Variants in UFSP2 observed in about 807,000 individuals in gnomAD.
UFSP2 encodes ufm1-specific protease 2.
In UFSP2, 43 loss-of-function variants were observed where a neutral mutation model predicts 60.2. The observed-to-expected ratio is 0.71, with a 90% CI of 0.56 to 0.92. The LOEUF (loss-of-function observed/expected upper bound fraction) is 0.92, where lower values mean the gene tolerates loss of function less well. UFSP2 is among the 40% of genes least tolerant of loss of function. The pLI, the probability that UFSP2 is intolerant of heterozygous loss-of-function variation, is 0.00. For missense variants in UFSP2, 520 were observed against 575.0 expected (o/e 0.90, Z 0.98); for synonymous variants, 183 against 195.1 (o/e 0.94, Z 0.52).
At chr4:185,421,805 T>C (rs2095549899) in intron 2 of UFSP2, among the ~76,000 whole-genome samples, 1 of 152,236 alleles carries the variant, frequency 6.6e-6, no homozygotes, top group African/African-American at 2.4e-5. Context: ...TCATGAGTGA[T>C]TTCATTTATA....
At chr4:185,404,612 G>C (rs1036411012) in intron 10 of UFSP2, among the ~76,000 whole-genome samples, 3 of 143,556 alleles carry the variant, frequency 2.1e-5, no homozygotes, top group African/African-American at 7.9e-5. Context: ...TTTTGAGACA[G>C]AGTCTTGCTC....
intron 11 of UFSP2, 194 bp from the exon 12 acceptor site, chr4:185,400,672 A>G: frequency 2.4e-6 from 1 of 421,250 alleles, no homozygotes; most frequent in Admixed American, 4.1e-5. Context: ...TGAACTTTTA[A>G]TTCTATGTAT....
chr4:185,402,123 A>G (rs2095513994), intron 11 of UFSP2: 3 of 277,006 alleles, frequency 1.1e-5, no homozygotes, highest in African/African-American at 4.5e-5. Context: ...TTTTCTCGAG[A>G]GTCCTTTTTG....
In UFSP2 at chr4:185,408,304, C is replaced by T. The variant is rs147970664; in HGVS notation, c.963G>A (p.Glu321=). The stretch of plus-strand genomic sequence containing the variant: ...TTTCTCTGTGTGTTGGAATGGACCT[C>T]TCTGTGTATCCCTGATGTTTGAACC... ...CSWFKHQGYT[E]RSIPTHREIQ... Residue 321 remains glutamate, a synonymous_variant, in exon 8 of 12, where the codon GAG becomes GAA. Transcript: ENST00000264689. The T allele has an allele frequency of 7.3e-3, 11,714 of 1,614,138 alleles. 72 individuals are homozygous for T. Among genetic ancestry groups the T allele is most frequent in the Non-Finnish European group, 9.0e-3 (10,616 of 1,179,984 alleles).
chr4:185,408,195 A>T, intron 8 of UFSP2, 76 bp downstream of exon 8: 1 of 1,559,198 alleles, frequency 6.4e-7, no homozygotes, highest in Non-Finnish European at 8.8e-7. Flanking sequence ...CCATGAGGTA[A>T]CAAAAATTAT....
At chr4:185,413,901 GA>G in intron 6 of UFSP2, 29 bp from the exon 7 acceptor site, 2 of 1,551,284 alleles carry the variant, frequency 1.3e-6, no homozygotes, top group Non-Finnish European at 1.7e-6. Flanking sequence ...AACAGAAAAA[GA>G]AAAAATGTTG....
intron 7 of UFSP2, 95 bp downstream of exon 7, chr4:185,413,631 T>C (rs954586597): frequency 2.3e-5 from 27 of 1,173,456 alleles, no homozygotes; most frequent in Non-Finnish European, 3.1e-5. Flanking sequence ...TAGGAATGAA[T>C]ACATAATGAA....
intron 7 of UFSP2, among the ~76,000 whole-genome samples, chr4:185,412,096 C>T (rs1433275144): frequency 6.6e-6 from 1 of 151,036 alleles, no homozygotes. Flanking sequence ...TAGGGAGGAG[C>T]TCCCTGGTAT....
chr4:185,404,617 T>C (rs2095517978), intron 10 of UFSP2, among the ~76,000 whole-genome samples: 1 of 150,530 alleles, frequency 6.6e-6, no homozygotes, highest in African/African-American at 2.5e-5. Context: ...AGACAGAGTC[T>C]TGCTCTGCTA....
intron 2 of UFSP2, 104 bp downstream of exon 2, chr4:185,422,381 T>G: frequency 6.0e-6 from 5 of 832,690 alleles, no homozygotes; most frequent in Middle Eastern, 2.8e-4. Context: ...AATATAATCT[T>G]AGTTCATCCT....
chr4:185,417,182 T>A (rs1580073405), intron 4 of UFSP2, among the ~76,000 whole-genome samples: 1 of 152,194 alleles, frequency 6.6e-6, no homozygotes, highest in African/African-American at 2.4e-5. Flanking sequence ...TCTGTGGTAT[T>A]CCTGCCAATA....
Position 185,403,486 on chromosome 4 carries a change from A to G in UFSP2, c.1323+8T>C. ...TTTTGTCTCAATTTGTGTTAAATGGATACTTACCTTTTCCAAAATAACTTG... is the reference window on the plus strand; with the variant it reads ...TTTTGTCTCAATTTGTGTTAAATGGGTACTTACCTTTTCCAAAATAACTTG... On this transcript the variant is annotated splice_region_variant and intron_variant, in intron 11 of 11. Coordinates refer to ENST00000264689, the MANE Select transcript of UFSP2 (RefSeq NM_018359.5). 2 of 1,611,328 alleles carry G rather than the reference A, an allele frequency of 1.2e-6. No homozygotes were observed. Among genetic ancestry groups the G allele is most frequent in the Non-Finnish European group, 1.7e-6 (2 of 1,179,234 alleles).
Position 185,413,733 on chromosome 4 carries a change from G to A in UFSP2, c.824C>T (p.Thr275Ile), listed in dbSNP as rs752755472. The A allele has an allele frequency of 6.8e-6, 11 of 1,608,996 alleles. No homozygotes were observed. The Admixed American group carries it at 1.5e-4, about 22-fold the overall frequency. ...ATAATTAGTTAAACTCACCATACCA[G>A]TCTCCATGTTAGGTGGATTAAGGTA... is the stretch of plus-strand genomic sequence containing the variant. ...HTYLNPPNME[T>I]GMIYVVQGIY... Residue 275 changes from threonine (T) to isoleucine (I), a missense_variant, in exon 7 of 12, where the codon ACT (threonine) becomes ATT (isoleucine). Coordinates refer to ENST00000264689, the MANE Select transcript of UFSP2 (RefSeq NM_018359.5).
Position 185,399,870 on chromosome 4 carries a change from G to C in UFSP2, c.*522C>G. The C allele has an allele frequency of 6.4e-7, 1 of 1,557,342 alleles. No homozygotes were observed. Among genetic ancestry groups the C allele is most frequent in the Non-Finnish European group, 8.7e-7 (1 of 1,151,478 alleles). On this transcript the variant is annotated 3_prime_UTR_variant, in exon 12 of 12. Coordinates refer to ENST00000264689, the MANE Select transcript of UFSP2 (RefSeq NM_018359.5). ...TTTAATACTGACACTCGTATTTCTA[G>C]TAGTATTGTTTCATTCTCATTAACA...
Position 185,403,613 on chromosome 4 carries a change from C to T in UFSP2, c.1204G>A (p.Gly402Arg). 1 of 1,609,372 alleles carries T rather than the reference C, an allele frequency of 6.2e-7. No individual in the cohort carries two copies. Among genetic ancestry groups the T allele is most frequent in the Non-Finnish European group, 8.5e-7 (1 of 1,178,842 alleles). The part of the protein sequence containing the change: ...SEGTPVMIGG[G>R]VLAHTILGVA... ...CCTAGTATTGTGTGGGCCAAAACTC[C>T]TCCCCCTATAGAAGAAAAAATAGGA... The change falls in exon 11 of 12, where the codon GGA becomes AGA. Residue 402 changes from glycine to arginine, a missense_variant. Transcript: ENST00000264689.
rs966927280 is a variant in UFSP2, at chr4:185,399,879, T to C, written c.*513A>G. 1 of 1,547,486 alleles carries C rather than the reference T, an allele frequency of 6.5e-7. No individual in the cohort carries two copies. Among genetic ancestry groups the C allele is most frequent in the African/African-American group, 1.4e-5 (1 of 72,690 alleles). On this transcript the variant is annotated 3_prime_UTR_variant, in exon 12 of 12. Transcript: ENST00000264689. ...GACACTCGTATTTCTAGTAGTATTG[T>C]TTCATTCTCATTAACATTTTAGTAC...
rs143996138 is a variant in UFSP2, at chr4:185,405,794, G to T, written c.1184C>A (p.Thr395Asn). 7.8e-5 allele frequency: 126 copies of T among 1,613,906 alleles called. No homozygotes were observed. The highest frequency in any genetic ancestry group is 1.0e-4 in the Non-Finnish European group (118 of 1,179,992). ...AAACAGCTTACCGATCATAACTGGA[G>T]TTCCTTCACTTTGGAAATGATTAGC... ...ELANHFQSEGTPVMIGGGVLA... is the reference protein window; with the variant it reads ...ELANHFQSEGNPVMIGGGVLA... The change falls in exon 10 of 12, where the codon ACT (threonine) becomes AAT (asparagine). Residue 395 changes from threonine to asparagine, a missense_variant. Thr to Asn is a moderately conservative substitution (Grantham distance 65, BLOSUM62 0). Transcript: ENST00000264689.
Position 185,399,784 on chromosome 4 carries a change from C to G in UFSP2, c.*608G>C, listed in dbSNP as rs1554022355. The G allele has an allele frequency of 3.7e-6, 6 of 1,613,668 alleles. No homozygotes were observed. On this transcript the variant is annotated 3_prime_UTR_variant, in exon 12 of 12. Coordinates refer to ENST00000264689, the MANE Select transcript of UFSP2 (RefSeq NM_018359.5). The stretch of plus-strand genomic sequence containing the variant: ...GAAAAGGAAGTGCTGGTAAGTAACT[C>G]AGAGCTGCTGCTTTTTTCCTCCCGC...
At chr4:185,409,740 A>C (rs2095526022) in intron 7 of UFSP2, among the ~76,000 whole-genome samples, 1 of 152,242 alleles carries the variant, frequency 6.6e-6, no homozygotes, top group African/African-American at 2.4e-5. Flanking sequence ...CATAGACGTG[A>C]TTAAGGATCT....
Sources: allele counts gnomAD v4.1 joint callset (sites outside exome capture counted in the v4.1 genomes callset), GRCh38; gene constraint gnomAD v4.1.1; transcripts MANE v1.5; gene names NCBI Gene and HGNC (gene_info 2026-07-23, HGNC 2026-07-21).